Variants in CYP39A1 observed in about 807,000 individuals in gnomAD.
CYP39A1 encodes 24-hydroxycholesterol 7-alpha-hydroxylase.
Under a neutral mutation model 58.1 loss-of-function variants are expected in CYP39A1, and 49 were observed. The observed-to-expected ratio is 0.84, with a 90% confidence interval of 0.67 to 1.07. CYP39A1 has a LOEUF of 1.07. Ranked by LOEUF, CYP39A1 falls within the 50% of genes least tolerant of loss-of-function variation. The pLI is 0.00. For synonymous variants in CYP39A1, 209 were observed against 187.6 expected (o/e 1.11, Z -0.93); for missense variants, 531 against 539.4 (o/e 0.98, Z 0.16).
At chr6:46,578,556 A>T (rs1236781342) in intron 10 of CYP39A1, among the ~76,000 whole-genome samples, 1 of 152,074 alleles carries the variant, frequency 6.6e-6, no homozygotes, top group African/African-American at 2.4e-5. Context: ...TAATAAAGAA[A>T]AAAAAAGAGA....
At chr6:46,568,920 C>CAAA (rs60393624) in intron 10 of CYP39A1, among the ~76,000 whole-genome samples, 59 of 148,564 alleles carry the variant, frequency 4.0e-4, no homozygotes, top group African/African-American at 1.4e-3. Context: ...CTATTTCTGC[C>CAAA]AAAAAAAAAA....
rs532655297 is a variant in CYP39A1, at chr6:46,601,947, A to G, written c.932-5827T>C. 5.3e-5 allele frequency among the ~76,000 whole-genome samples: 8 copies of G among 152,184 alleles called. No individual in the cohort carries two copies. In the East Asian group the frequency reaches 1.5e-3, roughly 29 times the overall value. On this transcript the variant is annotated intron_variant, in intron 7 of 11. Coordinates refer to ENST00000275016, the MANE Select transcript of CYP39A1 (RefSeq NM_016593.5). ...AAACCCTTTCCTGGCCACCCCAACT[A>G]ACATCTCCCTAATCACTATTATTTC...
intron 4 of CYP39A1, among the ~76,000 whole-genome samples, chr6:46,636,767 T>C (rs1419488791): frequency 6.6e-6 from 1 of 152,138 alleles, no homozygotes; most frequent in Non-Finnish European, 1.5e-5. Flanking sequence ...TTGGTCTGCC[T>C]TTACTGTGGC....
chr6:46,552,162 A>G lies in CYP39A1; in HGVS notation c.1338+1605T>C, dbSNP rs1161388214. ...ACCAATGCCATCCTTTTCACCTGAA[A>G]AGGCATTCTGGTGTCCTCTTGCTGG... On this transcript the variant is annotated intron_variant, in intron 11 of 11. Coordinates refer to ENST00000275016, the MANE Select transcript of CYP39A1 (RefSeq NM_016593.5). 3.9e-5 allele frequency among the ~76,000 whole-genome samples: 6 copies of G among 152,188 alleles called. No homozygotes were observed. The East Asian group carries it at 1.2e-3, about 29-fold the overall frequency.
At chr6:46,598,151 T>A (rs1209496280) in intron 7 of CYP39A1, among the ~76,000 whole-genome samples, 3 of 152,128 alleles carry the variant, frequency 2.0e-5, no homozygotes, top group Admixed American at 6.6e-5. Flanking sequence ...ATGCTACATG[T>A]TATTGGTGAT....
At position 46,580,614 on chromosome 6, in the gene CYP39A1, G is replaced by A. The variant is rs74607776; in HGVS notation, c.1250+6463C>T. 8.4e-3 allele frequency among the ~76,000 whole-genome samples: 1,273 copies of A among 152,104 alleles called. 18 individuals are homozygous for A. The highest frequency in any genetic ancestry group is 0.028 in the African/African-American group (1,180 of 41,494). ...TATTTGGCATATGCATCTCACAAAGGTCTAATATCCAGAATCTGTAAGGAA... is the reference window on the plus strand; with the variant it reads ...TATTTGGCATATGCATCTCACAAAGATCTAATATCCAGAATCTGTAAGGAA... On this transcript the variant is annotated intron_variant, in intron 10 of 11. Coordinates refer to ENST00000275016, the MANE Select transcript of CYP39A1 (RefSeq NM_016593.5).
rs1775119241 is a variant in CYP39A1 at position 46,623,696 on chromosome 6, A to T, written c.931+1722T>A. ...CCATTTCTCTGGAGAATCCTGACTA[A>T]TCGAATGTACTTAAATGTTCCTTCC... On this transcript the variant is annotated intron_variant, in intron 7 of 11. Coordinates refer to ENST00000275016, the MANE Select transcript of CYP39A1 (RefSeq NM_016593.5). 2.6e-5 allele frequency among the ~76,000 whole-genome samples: 4 copies of T among 152,094 alleles called. No individual in the cohort carries two copies. The South Asian group carries it at 8.3e-4, about 31-fold the overall frequency.
chr6:46,611,503 A>T (rs575071865), intron 7 of CYP39A1, among the ~76,000 whole-genome samples: 1 of 152,212 alleles, frequency 6.6e-6, no homozygotes, highest in African/African-American at 2.4e-5. Context: ...ATCCCATTCT[A>T]TCATGTCAAA....
chr6:46,580,440 C>T (rs1772068832), intron 10 of CYP39A1, among the ~76,000 whole-genome samples: 1 of 152,100 alleles, frequency 6.6e-6, no homozygotes, highest in African/African-American at 2.4e-5. Flanking sequence ...TGGACATAGG[C>T]CTTGCCAAGG....
intron 7 of CYP39A1, among the ~76,000 whole-genome samples, chr6:46,612,246 T>C (rs1298495418): frequency 1.3e-5 from 2 of 152,156 alleles, no homozygotes; most frequent in African/African-American, 4.8e-5. Flanking sequence ...TAGAAAACAG[T>C]GGAAGAAATA....
intron 10 of CYP39A1, among the ~76,000 whole-genome samples, chr6:46,566,834 TTA>T (rs3085574): frequency 0.19 from 28,082 of 149,242 alleles, 5,130 homozygotes; most frequent in African/African-American, 0.47. Flanking sequence ...AATGAGATGA[TTA>T]TATATATATA....
intron 10 of CYP39A1, among the ~76,000 whole-genome samples, chr6:46,581,597 C>T (rs1165063824): frequency 1.3e-5 from 2 of 152,012 alleles, no homozygotes; most frequent in Non-Finnish European, 2.9e-5. Flanking sequence ...TTCTCACTTA[C>T]AAGTGGGAGC....
chr6:46,568,738 A>G (rs552252628), intron 10 of CYP39A1, among the ~76,000 whole-genome samples: 2 of 152,122 alleles, frequency 1.3e-5, no homozygotes, highest in South Asian at 4.1e-4. Flanking sequence ...ATTCTATTGT[A>G]TTGGTCTACA....
At chr6:46,559,461 T>C (rs1420749422) in intron 10 of CYP39A1, among the ~76,000 whole-genome samples, 1 of 152,230 alleles carries the variant, frequency 6.6e-6, no homozygotes, top group African/African-American at 2.4e-5. Context: ...ACATTTTATG[T>C]ACAATTTTAA....
intron 10 of CYP39A1, among the ~76,000 whole-genome samples, chr6:46,558,902 A>T (rs1770812001): frequency 6.6e-6 from 1 of 150,866 alleles, no homozygotes; most frequent in African/African-American, 2.4e-5. Flanking sequence ...AGGCTGAGGC[A>T]GGAGAATTGC....
intron 10 of CYP39A1, among the ~76,000 whole-genome samples, chr6:46,567,511 G>T (rs1225853318): frequency 1.3e-5 from 2 of 151,980 alleles, no homozygotes; most frequent in African/African-American, 2.4e-5. Context: ...TGGATCATAT[G>T]GCAATTTTTT....
intron 1 of CYP39A1, among the ~76,000 whole-genome samples, chr6:46,650,111 T>TACACACACAC (rs3085603): frequency 3.1e-4 from 46 of 147,042 alleles, no homozygotes; most frequent in African/African-American, 4.8e-4. Flanking sequence ...TTACTACATT[T>TACACACACAC]ACACACACAC....
chr6:46,615,731 GA>G (rs1320904072), intron 7 of CYP39A1, among the ~76,000 whole-genome samples: 1 of 146,800 alleles, frequency 6.8e-6, no homozygotes, highest in Non-Finnish European at 1.5e-5. Flanking sequence ...TTCTCCTCTG[GA>G]ATAAAAAAAA....
intron 7 of CYP39A1, among the ~76,000 whole-genome samples, chr6:46,611,666 A>G (rs1328131525): frequency 6.6e-6 from 1 of 152,230 alleles, no homozygotes; most frequent in Admixed American, 6.5e-5. Context: ...AGCATGCCTC[A>G]TAATCATGAT....
Sources: gnomAD v4.1 joint callset for allele counts (sites outside exome capture counted in the v4.1 genomes callset) on GRCh38, gnomAD v4.1.1 for gene constraint, MANE v1.5 for transcripts, NCBI Gene and HGNC (gene_info 2026-07-23, HGNC 2026-07-21) for gene names.